PDILT: variants seen among roughly 807,000 people sequenced by gnomAD.
PDILT encodes the protein protein disulfide-isomerase-like protein of the testis.
PDILT carries 43 observed loss-of-function variants against 53.7 expected under a neutral mutation model. The ratio of observed to expected loss-of-function variants is 0.80; its 90% CI spans 0.63 to 1.03. The LOEUF (loss-of-function observed/expected upper bound fraction) is 1.03. Ranked by LOEUF, PDILT falls within the 50% of genes least tolerant of loss-of-function variation. PDILT has a pLI of 0.00. For missense variants in PDILT, 727 were observed against 712.3 expected (o/e 1.02, Z -0.24); for synonymous variants, 282 against 274.2 (o/e 1.03, Z -0.28).
intron 11 of PDILT, 29 bp from the exon 12 acceptor site, chr16:20,359,596 G>A (rs747803544): frequency 3.8e-6 from 6 of 1,589,350 alleles, no homozygotes; most frequent in Non-Finnish European, 5.2e-6. Flanking sequence ...AAGGAAGAAG[G>A]GAGGGAGGGA....
At chr16:20,370,265 G>A (rs1966284704) in intron 7 of PDILT, among the ~76,000 whole-genome samples, 1 of 152,220 alleles carries the variant, frequency 6.6e-6, no homozygotes, top group Non-Finnish European at 1.5e-5. Flanking sequence ...CCCTCAAGGA[G>A]TTTATGTTCT....
Position 20,398,324 on chromosome 16 carries a change from C to T in PDILT, c.202+775G>A, listed in dbSNP as rs147040796. On this transcript the variant is annotated intron_variant, in intron 2 of 11. Transcript: ENST00000302451. ...AAAAGTGGCCATGCAAATCTGACAGCAAGAGTGATGGTCTCGGCTGGGCAC... is the reference window on the plus strand; with the variant it reads ...AAAAGTGGCCATGCAAATCTGACAGTAAGAGTGATGGTCTCGGCTGGGCAC... Among the ~76,000 whole-genome samples the T allele has an allele frequency of 2.7e-3, 410 of 152,192 alleles. 8 individuals carry two copies. In the South Asian group the frequency reaches 0.03, roughly 11 times the overall value.
At chr16:20,400,559 A>G (rs1369733180) in intron 1 of PDILT, among the ~76,000 whole-genome samples, 1 of 151,920 alleles carries the variant, frequency 6.6e-6, no homozygotes, top group East Asian at 1.9e-4. Context: ...TGGGGTCTGG[A>G]TACCTACATG....
At chr16:20,387,028 C>G (rs953954555) in intron 2 of PDILT, among the ~76,000 whole-genome samples, 1 of 152,118 alleles carries the variant, frequency 6.6e-6, no homozygotes, top group Non-Finnish European at 1.5e-5. Context: ...TTGATGGGGC[C>G]TATGATAATA....
Position 20,372,906 on chromosome 16 carries a change from A to G in PDILT, c.814T>C (p.Leu272=). ...NTENKDLISE[L]HIMSHMLLFV... ...AGCAGCATGTGACTCATGATGTGCA[A>G]CTCGGAAATCAGATCCTTATTCTGA... Residue 272 remains leucine, a synonymous_variant, in exon 7 of 12, where the codon TTG becomes CTG. Transcript: ENST00000302451. 6.2e-7 allele frequency: 1 copy of G among 1,614,080 alleles called. No homozygotes were observed. The highest frequency in any genetic ancestry group is 8.5e-7 in the Non-Finnish European group (1 of 1,179,958).
intron 2 of PDILT, among the ~76,000 whole-genome samples, chr16:20,387,969 C>A (rs556010006): frequency 6.6e-5 from 10 of 152,034 alleles, no homozygotes; most frequent in Non-Finnish European, 1.3e-4. Context: ...CTACAGTAAT[C>A]CAGGCAAGAG....
At chr16:20,401,870 G>C (rs188368980) in intron 1 of PDILT, among the ~76,000 whole-genome samples, 4 of 152,378 alleles carry the variant, frequency 2.6e-5, no homozygotes, top group Middle Eastern at 3.4e-3. Context: ...GATCAAGGAA[G>C]GGGCAGTGGG....
At chr16:20,363,055 G>C (rs1289900955) in intron 9 of PDILT, among the ~76,000 whole-genome samples, 1 of 106,488 alleles carries the variant, frequency 9.4e-6, no homozygotes, top group Admixed American at 1.4e-4. Context: ...CTGGGTGACA[G>C]AGAGAGACTC....
intron 2 of PDILT, among the ~76,000 whole-genome samples, chr16:20,396,179 A>T (rs1323895559): frequency 6.6e-6 from 1 of 152,194 alleles, no homozygotes; most frequent in Non-Finnish European, 1.5e-5. Context: ...CCCTATAATG[A>T]CTATACCACT....
intron 3 of PDILT, among the ~76,000 whole-genome samples, chr16:20,379,149 G>T (rs957010348): frequency 3.3e-5 from 5 of 152,056 alleles, no homozygotes; most frequent in Non-Finnish European, 4.4e-5. Context: ...GAGTAGCTGG[G>T]ACTACAGGCA....
At chr16:20,361,157 G>T (rs1050986184) in intron 10 of PDILT, among the ~76,000 whole-genome samples, 4 of 150,726 alleles carry the variant, frequency 2.7e-5, no homozygotes, top group Non-Finnish European at 5.9e-5. Flanking sequence ...CTGGTACATG[G>T]TCAGTGCTCC....
intron 10 of PDILT, 117 bp downstream of exon 10, chr16:20,362,287 C>G (rs1229634004): frequency 9.2e-7 from 1 of 1,081,892 alleles, no homozygotes; most frequent in Admixed American, 2.5e-5. Flanking sequence ...TGGATAGTGG[C>G]TACAGCTGAG....
At position 20,373,601 on chromosome 16, in the gene PDILT, T is replaced by C. The variant is rs756757513; in HGVS notation, c.682-479A>G. Among the ~76,000 whole-genome samples, 17 of 152,336 alleles carry C rather than the reference T, an allele frequency of 1.1e-4. 1 individual carries two copies. Among genetic ancestry groups the C allele is most frequent in the Non-Finnish European group, 2.4e-4 (16 of 68,026 alleles). On this transcript the variant is annotated intron_variant, in intron 5 of 11. Transcript: ENST00000302451. ...TTCAGCCTAAACTTTTCACTATACA[T>C]AGTGAACTATAACCTAAACGGAGGT...
rs147049530 is a variant in PDILT at position 20,367,102 on chromosome 16, T to C, written c.1117-1562A>G. Among the ~76,000 whole-genome samples the C allele has an allele frequency of 5.7e-3, 650 of 113,686 alleles. 7 individuals carry two copies. Among genetic ancestry groups the C allele is most frequent in the African/African-American group, 0.02 (527 of 26,884 alleles). 74.6% of individuals were successfully genotyped at this position (113,686 alleles called of 152,430 possible). ...TTCTTTCTTTCTTTCTTTCTTTCTT[T>C]CTTCCTTTCTTTCCTTTTGAGACAG... is the stretch of plus-strand genomic sequence containing the variant. On this transcript the variant is annotated intron_variant, in intron 8 of 11. Transcript: ENST00000302451.
At position 20,362,512 on chromosome 16, in the gene PDILT, G is replaced by A; in HGVS notation, c.1308C>T (p.Asn436=). The A allele has an allele frequency of 6.2e-7, 1 of 1,614,140 alleles. No homozygotes were observed. Residue 436 remains asparagine (N), a synonymous_variant, in exon 10 of 12, where the codon AAC becomes AAT. Transcript: ENST00000302451. The stretch of plus-strand genomic sequence containing the variant: ...TCTTGGCAATGATAATTGTGGAGTG[G>A]TTTTGATATTTTCTGCCCAATTCCT... ...LLEELGRKYQ[N]HSTIIIAKID...
chr16:20,380,695 C>A (rs1966450278), intron 3 of PDILT, among the ~76,000 whole-genome samples: 1 of 152,228 alleles, frequency 6.6e-6, no homozygotes, highest in Non-Finnish European at 1.5e-5. Flanking sequence ...AATGATTTTT[C>A]ACTAGCTTGT....
intron 3 of PDILT, 80 bp downstream of exon 3, chr16:20,384,565 G>C (rs946281436): frequency 1.3e-6 from 2 of 1,551,288 alleles, no homozygotes; most frequent in African/African-American, 2.7e-5. Context: ...GCATGGAGCA[G>C]AGCCTCCCAC....
chr16:20,378,805 A>C (rs1429251528), intron 3 of PDILT, among the ~76,000 whole-genome samples: 1 of 152,192 alleles, frequency 6.6e-6, no homozygotes, highest in Non-Finnish European at 1.5e-5. Context: ...ATGGCTTTGT[A>C]GTATTCCATT....
At chr16:20,367,702 C>T (rs1040843672) in intron 8 of PDILT, among the ~76,000 whole-genome samples, 3 of 152,074 alleles carry the variant, frequency 2.0e-5, no homozygotes, top group East Asian at 3.9e-4. Flanking sequence ...TCTAGGGGTA[C>T]AGTACTCAGC....
Sources: gnomAD v4.1 joint callset for allele counts (sites outside exome capture counted in the v4.1 genomes callset) on GRCh38, gnomAD v4.1.1 for gene constraint, MANE v1.5 for transcripts, NCBI Gene and HGNC (gene_info 2026-07-23, HGNC 2026-07-21) for gene names.